Variants in FEZ2 observed in about 807,000 individuals in gnomAD.
FEZ2 encodes fasciculation and elongation protein zeta-2.
FEZ2 carries 51 observed loss-of-function variants against 40.4 expected under a neutral mutation model. The ratio of observed to expected loss-of-function variants is 1.26; its 90% CI spans 1.01 to 1.59. The LOEUF is 1.59. Ranked by LOEUF, FEZ2 falls within the 40% of genes most tolerant of loss-of-function variation. The pLI is 0.00. For missense variants in FEZ2, 640 were observed against 438.3 expected, an observed-to-expected ratio of 1.46 and a Z score of -4.11; for synonymous variants, 242 against 172.0, an observed-to-expected ratio of 1.41 and a Z score of -3.18.
intron 4 of FEZ2, among the ~76,000 whole-genome samples, chr2:36,579,661 C>G (rs190603099): frequency 7.5e-4 from 114 of 152,254 alleles, no homozygotes; most frequent in African/African-American, 2.3e-3. Context: ...TGCTACCAGG[C>G]TTCCTGTATA....
At chr2:36,556,158 A>G (rs756637840) in intron 6 of FEZ2, 53 of 403,366 alleles carry the variant, frequency 1.3e-4, no homozygotes, top group Non-Finnish European at 2.2e-4. Flanking sequence ...AAACTAGAGA[A>G]ACTCTTAAAG....
intron 2 of FEZ2, among the ~76,000 whole-genome samples, chr2:36,587,283 T>C (rs1036502666): frequency 5.3e-5 from 8 of 152,204 alleles, no homozygotes; most frequent in Non-Finnish European, 4.4e-5. Flanking sequence ...AGATGGCATA[T>C]GCTAAGAGCT....
chr2:36,595,352 G>A (rs987261068), intron 1 of FEZ2, among the ~76,000 whole-genome samples: 2 of 151,884 alleles, frequency 1.3e-5, no homozygotes, highest in Non-Finnish European at 2.9e-5. Context: ...CTATCTGGGG[G>A]AGAGGGGAAA....
chr2:36,584,290 T>C (rs1321914843), intron 2 of FEZ2, among the ~76,000 whole-genome samples: 3 of 152,150 alleles, frequency 2.0e-5, no homozygotes, highest in East Asian at 1.9e-4. Flanking sequence ...ATCTCAACAG[T>C]TTATGGTAAT....
At chr2:36,567,871 A>C (rs1668292157) in intron 5 of FEZ2, among the ~76,000 whole-genome samples, 1 of 152,190 alleles carries the variant, frequency 6.6e-6, no homozygotes, top group African/African-American at 2.4e-5. Flanking sequence ...GGGCAGTGAG[A>C]CCAGGAAGAA....
intron 1 of FEZ2, among the ~76,000 whole-genome samples, chr2:36,592,994 T>C (rs1477395884): frequency 6.6e-6 from 1 of 152,192 alleles, no homozygotes; most frequent in Non-Finnish European, 1.5e-5. Context: ...AGGCAATGTC[T>C]GTGGACTACT....
intron 5 of FEZ2, among the ~76,000 whole-genome samples, chr2:36,560,433 G>A (rs940851764): frequency 1.3e-5 from 2 of 152,118 alleles, no homozygotes; most frequent in African/African-American, 4.8e-5. Flanking sequence ...TAGACTTTTA[G>A]AATTAGAGTC....
At chr2:36,565,736 C>T (rs563083853) in intron 5 of FEZ2, among the ~76,000 whole-genome samples, 2 of 152,028 alleles carry the variant, frequency 1.3e-5, no homozygotes, top group Non-Finnish European at 2.9e-5. Flanking sequence ...ATTATCACAC[C>T]CTGTACCTAG....
rs1291433272 is a variant in FEZ2, at chr2:36,552,297, G to A, written c.*866C>T. 2 of 431,016 alleles carry A rather than the reference G, an allele frequency of 4.6e-6. No homozygotes were observed. The highest frequency in any genetic ancestry group is 5.4e-5 in the Admixed American group (2 of 36,762). The allele number at this position is 431,016 out of a possible 1,614,324, so 26.7% of individuals were successfully genotyped here. ...AAAATTTATTAAATGCCATTGATTT[G>A]ACTGGAACCAGCAAAAGTGCTCATG... On this transcript the variant is annotated 3_prime_UTR_variant, in exon 8 of 8. Transcript: ENST00000405912.
chr2:36,590,784 G>C, intron 2 of FEZ2, 119 bp downstream of exon 2: 1 of 671,354 alleles, frequency 1.5e-6, no homozygotes, highest in East Asian at 2.8e-5. Flanking sequence ...CACCCAAACT[G>C]CTATAATTTC....
intron 5 of FEZ2, among the ~76,000 whole-genome samples, chr2:36,573,335 C>T (rs1029522312): frequency 2.0e-5 from 3 of 152,172 alleles, no homozygotes; most frequent in Non-Finnish European, 4.4e-5. Context: ...GCAGATAACA[C>T]TAGATGAACA....
chr2:36,582,563 CCTA>C (rs1165618621), intron 3 of FEZ2, among the ~76,000 whole-genome samples: 2 of 152,188 alleles, frequency 1.3e-5, no homozygotes, highest in African/African-American at 2.4e-5. Context: ...AACCTTCCAA[CCTA>C]CTATTACCTT....
At chr2:36,566,193 C>T (rs556101693) in intron 5 of FEZ2, among the ~76,000 whole-genome samples, 16 of 152,132 alleles carry the variant, frequency 1.1e-4, no homozygotes, top group Middle Eastern at 3.4e-3. Context: ...ACAAAAAATT[C>T]GCCAGGCACG....
chr2:36,583,722 A>G (rs1378110197), intron 2 of FEZ2, among the ~76,000 whole-genome samples: 2 of 152,208 alleles, frequency 1.3e-5, no homozygotes, highest in Non-Finnish European at 2.9e-5. Flanking sequence ...AGATATGCAG[A>G]AAAAAATACG....
intron 2 of FEZ2, among the ~76,000 whole-genome samples, chr2:36,588,228 G>A (rs914236368): frequency 5.3e-5 from 8 of 151,964 alleles, no homozygotes; most frequent in East Asian, 3.9e-4. Flanking sequence ...GGGTTTCACC[G>A]TGTTGGTAAG....
At chr2:36,593,901 G>A (rs1397493123) in intron 1 of FEZ2, among the ~76,000 whole-genome samples, 1 of 150,346 alleles carries the variant, frequency 6.7e-6, no homozygotes, top group Non-Finnish European at 1.5e-5. Flanking sequence ...TTTATGCTCT[G>A]CTTCCCTTAT....
intron 5 of FEZ2, 81 bp downstream of exon 5, chr2:36,578,516 C>T: frequency 3.4e-6 from 5 of 1,450,882 alleles, no homozygotes; most frequent in Non-Finnish European, 2.8e-6. Context: ...CAACCTGTCG[C>T]ACCTGCCACC....
chr2:36,563,852 T>A (rs762638636), intron 5 of FEZ2, among the ~76,000 whole-genome samples: 6 of 152,060 alleles, frequency 3.9e-5, no homozygotes, highest in Admixed American at 1.3e-4. Flanking sequence ...GACACCACAC[T>A]CTCCCAGATT....
chr2:36,584,959 G>C (rs992798029), intron 2 of FEZ2, among the ~76,000 whole-genome samples: 3 of 152,132 alleles, frequency 2.0e-5, no homozygotes, highest in Non-Finnish European at 4.4e-5. Flanking sequence ...GCAACTCCAG[G>C]CTCCTGCGCA....
Sources: gnomAD v4.1 joint callset for allele counts (sites outside exome capture counted in the v4.1 genomes callset) on GRCh38, gnomAD v4.1.1 for gene constraint, MANE v1.5 for transcripts, NCBI Gene and HGNC (gene_info 2026-07-23, HGNC 2026-07-21) for gene names.